CLYBL: variants seen among roughly 807,000 people sequenced by gnomAD.
CLYBL encodes citramalyl-CoA lyase.
In CLYBL, 31 loss-of-function variants were observed where a neutral mutation model predicts 38.9. The observed-to-expected ratio is 0.80, with a 90% CI of 0.60 to 1.08. CLYBL has a LOEUF of 1.08. Ranked by LOEUF, CLYBL falls within the 50% of genes least tolerant of loss-of-function variation. CLYBL has a pLI of 0.00. For synonymous variants in CLYBL, 171 were observed against 158.6 expected (o/e 1.08, Z -0.59); for missense variants, 434 against 411.6 (o/e 1.05, Z -0.47).
intron 2 of CLYBL, among the ~76,000 whole-genome samples, chr13:99,838,434 T>A (rs1048845560): frequency 2.0e-5 from 3 of 152,128 alleles, no homozygotes; most frequent in Non-Finnish European, 4.4e-5. Flanking sequence ...TATCTTGCAT[T>A]TGTAGAAACT....
intron 1 of CLYBL, among the ~76,000 whole-genome samples, chr13:99,752,642 G>A (rs149197649): frequency 0.02 from 3,111 of 152,112 alleles, 73 homozygotes; most frequent in Admixed American, 0.072. Context: ...CTGTCCCTGC[G>A]CTGCTGTCTT....
intron 1 of CLYBL, among the ~76,000 whole-genome samples, chr13:99,661,001 G>GA (rs1301956328): frequency 2.6e-5 from 4 of 151,884 alleles, no homozygotes; most frequent in African/African-American, 9.7e-5. Flanking sequence ...CACTTTAAAT[G>GA]AAAAAATAGT....
chr13:99,637,837 C>T (rs1473573024), intron 1 of CLYBL, among the ~76,000 whole-genome samples: 1 of 152,064 alleles, frequency 6.6e-6, no homozygotes, highest in African/African-American at 2.4e-5. Context: ...TATCCGTATA[C>T]ATACATCCAT....
chr13:99,711,950 C>T (rs1008357829), intron 1 of CLYBL, among the ~76,000 whole-genome samples: 8 of 150,550 alleles, frequency 5.3e-5, no homozygotes, highest in Non-Finnish European at 8.9e-5. Flanking sequence ...CTCCTGACCT[C>T]GTGATCCACC....
At chr13:99,642,156 T>C (rs9554624) in intron 1 of CLYBL, among the ~76,000 whole-genome samples, 93,294 of 151,962 alleles carry the variant, frequency 0.61, 28,957 homozygotes, top group East Asian at 0.89. Flanking sequence ...TGACCCCAGC[T>C]GTGGGTAGAT....
chr13:99,610,279 C>T (rs758891934), intron 1 of CLYBL, among the ~76,000 whole-genome samples: 1 of 152,210 alleles, frequency 6.6e-6, no homozygotes, highest in Non-Finnish European at 1.5e-5. Context: ...GTAAGTCCAA[C>T]ATCTGGACTT....
intron 1 of CLYBL, among the ~76,000 whole-genome samples, chr13:99,611,985 A>G (rs1339380617): frequency 6.6e-6 from 1 of 152,188 alleles, no homozygotes; most frequent in East Asian, 1.9e-4. Context: ...AATAATTTCT[A>G]GTAAGTTTAT....
chr13:99,707,611 T>A (rs2048166268), intron 1 of CLYBL, among the ~76,000 whole-genome samples: 1 of 152,134 alleles, frequency 6.6e-6, no homozygotes, highest in South Asian at 2.1e-4. Flanking sequence ...AATGATATGT[T>A]TTATAATAAA....
intron 1 of CLYBL, among the ~76,000 whole-genome samples, chr13:99,745,461 G>GA (rs60033693): frequency 1.8e-4 from 27 of 150,370 alleles, no homozygotes; most frequent in Admixed American, 9.9e-4. Flanking sequence ...ACTGAATTAA[G>GA]AAAAAAAAAT....
intron 2 of CLYBL, among the ~76,000 whole-genome samples, chr13:99,821,817 C>T (rs2050593812): frequency 6.6e-6 from 1 of 152,222 alleles, no homozygotes; most frequent in Admixed American, 6.5e-5. Context: ...CTGCTAGCCA[C>T]ATGTCAAGCA....
At chr13:99,613,022 GATGATAATA>G (rs1402632391) in intron 1 of CLYBL, among the ~76,000 whole-genome samples, 2,694 of 136,828 alleles carry the variant, frequency 0.02, 62 homozygotes, top group East Asian at 0.034. Flanking sequence ...TAAAAATAGT[GATGATAATA>G]ATAATAATAA....
Position 99,718,328 on chromosome 13 carries a change from T to A in CLYBL, c.63-54496T>A, listed in dbSNP as rs915921357. Among the ~76,000 whole-genome samples the A allele has an allele frequency of 2.0e-5, 3 of 151,704 alleles. No homozygotes were observed. In the East Asian group the frequency reaches 5.8e-4, roughly 29 times the overall value. ...GTGCCAAGTTCCAGCCTCTTCTAGGTTTGACTCCTGTTGCCTGTTAACCTC... is the reference window on the plus strand; with the variant it reads ...GTGCCAAGTTCCAGCCTCTTCTAGGATTGACTCCTGTTGCCTGTTAACCTC... On this transcript the variant is annotated intron_variant, in intron 1 of 8. Coordinates refer to ENST00000339105, the MANE Select transcript of CLYBL (RefSeq NM_206808.5).
At chr13:99,645,059 G>A (rs9585164) in intron 1 of CLYBL, among the ~76,000 whole-genome samples, 43,625 of 152,058 alleles carry the variant, frequency 0.29, 6,730 homozygotes, top group East Asian at 0.57. Flanking sequence ...TGGGTCATAT[G>A]GTAGTTCTAG....
chr13:99,627,493 A>G (rs2046886930), intron 1 of CLYBL, among the ~76,000 whole-genome samples: 1 of 152,188 alleles, frequency 6.6e-6, no homozygotes, highest in Admixed American at 6.5e-5. Context: ...TGGTCTTAAA[A>G]AGGAAAATTT....
At chr13:99,768,276 C>A (rs2049310513) in intron 1 of CLYBL, among the ~76,000 whole-genome samples, 1 of 145,462 alleles carries the variant, frequency 6.9e-6, no homozygotes, top group Non-Finnish European at 1.5e-5. Context: ...CTCACTGCAG[C>A]CTACACTTCC....
intron 1 of CLYBL, among the ~76,000 whole-genome samples, chr13:99,658,510 C>T (rs61974383): frequency 0.024 from 3,675 of 152,260 alleles, 72 homozygotes; most frequent in Middle Eastern, 0.099. Flanking sequence ...GTGTCCCTCT[C>T]CCCCACGCCG....
At chr13:99,685,868 A>G (rs1351802406) in intron 1 of CLYBL, among the ~76,000 whole-genome samples, 3 of 152,140 alleles carry the variant, frequency 2.0e-5, no homozygotes, top group African/African-American at 7.2e-5. Context: ...TGGCTGAGGA[A>G]CGAGAATCGC....
intron 2 of CLYBL, among the ~76,000 whole-genome samples, chr13:99,856,026 G>A (rs138098660): frequency 2.0e-5 from 3 of 152,176 alleles, no homozygotes; most frequent in Non-Finnish European, 4.4e-5. Context: ...TTTTTTAAAT[G>A]CTGAGTATTC....
chr13:99,650,819 G>T (rs1004008495), intron 1 of CLYBL, among the ~76,000 whole-genome samples: 3 of 151,956 alleles, frequency 2.0e-5, no homozygotes, highest in African/African-American at 7.3e-5. Context: ...ACGTCATTGC[G>T]CTCCTCTCCA....
Sources: allele counts gnomAD v4.1 joint callset (sites outside exome capture counted in the v4.1 genomes callset), GRCh38; gene constraint gnomAD v4.1.1; transcripts MANE v1.5; gene names NCBI Gene and HGNC (gene_info 2026-07-23, HGNC 2026-07-21).